The following OR51I2 variants were observed in gnomAD, a reference collection of about 807,000 sequenced individuals.
The protein encoded by OR51I2 is olfactory receptor 51I2.
Under a neutral mutation model 9.3 loss-of-function variants are expected in OR51I2, and 6 were observed. The ratio of observed to expected loss-of-function variants is 0.64; its 90% CI spans 0.35 to 1.27. The LOEUF (loss-of-function observed/expected upper bound fraction) is 1.27. Ranked by LOEUF, OR51I2 falls within the 50% of genes most tolerant of loss-of-function variation. The probability of loss-of-function intolerance (pLI) is 0.03; values close to 1 mark genes in which losing one functional copy is unlikely to be tolerated. For missense variants in OR51I2, 489 were observed against 396.4 expected, an observed-to-expected ratio of 1.23 and a Z score of -1.98; for synonymous variants, 179 against 143.1, an observed-to-expected ratio of 1.25 and a Z score of -1.79.
At chr11:5,450,076 T>C (rs1210063424) in intron 1 of OR51I2, among the ~76,000 whole-genome samples, 1 of 152,050 alleles carries the variant, frequency 6.6e-6, no homozygotes, top group Non-Finnish European at 1.5e-5. Context: ...CCATAAAGGA[T>C]CTCAGAGAAT....
chr11:5,450,258 AG>A (rs1223065961), intron 1 of OR51I2, among the ~76,000 whole-genome samples: 1 of 152,036 alleles, frequency 6.6e-6, no homozygotes, highest in African/African-American at 2.4e-5. Context: ...GCGTGGTGGC[AG>A]GCGCCTGTAA....
Position 5,456,446 on chromosome 11 carries a change from T to G in OR51I2, c.*2019T>G, listed in dbSNP as rs1850960053. 1 of 152,226 alleles carries G rather than the reference T, an allele frequency of 6.6e-6. No individual in the cohort carries two copies. The highest frequency in any genetic ancestry group is 1.5e-5 in the Non-Finnish European group (1 of 68,038). 9.4% of individuals were successfully genotyped at this position (152,226 alleles called of 1,614,324 possible). A position where few individuals can be genotyped will look rare whatever the true frequency, so the allele number is the denominator to read the frequency against. Reference sequence around the variant, plus strand: ...AAAAAGGTCTAAGCTAAGCCCTGTTTTTGTTTTTTTGACCTTGGGTTAAAA... The same window carrying G: ...AAAAAGGTCTAAGCTAAGCCCTGTTGTTGTTTTTTTGACCTTGGGTTAAAA... On this transcript the variant is annotated 3_prime_UTR_variant, in exon 2 of 2. Coordinates refer to ENST00000641930, the MANE Select transcript of OR51I2 (RefSeq NM_001004754.3).
rs1850951485 is a variant in OR51I2, at chr11:5,455,865, T to C, written c.*1438T>C. ...CAATAAGACACCAATAATATATGTG[T>C]CCTGGCCCACTAAATAGATTGCTTT... On this transcript the variant is annotated 3_prime_UTR_variant, in exon 2 of 2. Coordinates refer to ENST00000641930, the MANE Select transcript of OR51I2 (RefSeq NM_001004754.3). The C allele has an allele frequency of 6.6e-6, 1 of 152,180 alleles. No homozygotes were observed. The highest frequency in any genetic ancestry group is 1.5e-5 in the Non-Finnish European group (1 of 68,032). 9.4% of individuals were successfully genotyped at this position (152,180 alleles called of 1,614,324 possible).
Position 5,453,492 on chromosome 11 carries a change from G to C in OR51I2, c.4G>C (p.Gly2Arg), listed in dbSNP as rs1318510903. The change falls in exon 2 of 2, where the codon GGG becomes CGG. Residue 2 changes from glycine (G) to arginine (R), a missense_variant. Physicochemically the swap from Gly to Arg is moderately radical, Grantham distance 125. Transcript: ENST00000641930. ...AGTACCCTAAGTTTGTTTTGCTATG[G>C]GGTTGTTCAATGTCACTCACCCTGC... M[G>R]LFNVTHPAFF... The C allele has an allele frequency of 2.6e-6, 4 of 1,541,054 alleles. No individual in the cohort carries two copies. Among genetic ancestry groups the C allele is most frequent in the East Asian group, 4.5e-5 (2 of 44,268 alleles).
chr11:5,454,274 C>T lies in OR51I2; in HGVS notation c.786C>T (p.His262=), dbSNP rs776520075. ...YVPMIGVSTV[H]RFGKHVPCYI... is the part of the protein sequence containing the mutation. The stretch of plus-strand genomic sequence containing the variant: ...CAATGATTGGGGTCTCCACAGTGCA[C>T]CGCTTTGGGAAGCATGTCCCATGCT... Residue 262 remains histidine, a synonymous_variant, in exon 2 of 2, where the codon CAC becomes CAT. Transcript: ENST00000641930. 2 of 1,614,190 alleles carry T rather than the reference C, an allele frequency of 1.2e-6. No homozygotes were observed. Among genetic ancestry groups the T allele is most frequent in the Non-Finnish European group, 1.7e-6 (2 of 1,180,038 alleles).
In OR51I2 at chr11:5,454,538, G is replaced by T. The variant is rs1263231831; in HGVS notation, c.*111G>T. 1.1e-6 allele frequency: 1 copy of T among 899,122 alleles called. No homozygotes were observed. Among genetic ancestry groups the T allele is most frequent in the South Asian group, 1.7e-5 (1 of 59,334 alleles). The allele number at this position is 899,122 out of a possible 1,614,324, so 55.7% of individuals were successfully genotyped here. On this transcript the variant is annotated 3_prime_UTR_variant, in exon 2 of 2. Coordinates refer to ENST00000641930, the MANE Select transcript of OR51I2 (RefSeq NM_001004754.3). Reference sequence around the variant, plus strand: ...AGATTGTGTGCTGCGGGAAAAGTAGGCCAGGAGATGGTGATGCAAAACTTA... The same window carrying T: ...AGATTGTGTGCTGCGGGAAAAGTAGTCCAGGAGATGGTGATGCAAAACTTA...
chr11:5,455,799 G>C lies in OR51I2; in HGVS notation c.*1372G>C, dbSNP rs1488945837. The C allele has an allele frequency of 1.3e-5, 2 of 152,068 alleles. No individual in the cohort carries two copies. Among genetic ancestry groups the C allele is most frequent in the Non-Finnish European group, 2.9e-5 (2 of 68,000 alleles). The allele number at this position is 152,068 out of a possible 1,614,324, so 9.4% of individuals were successfully genotyped here. ...CTATTTTAAAAATGAGATAATGTAA[G>C]TACTTGGGATTCAGATTTTTTTCAA... On this transcript the variant is annotated 3_prime_UTR_variant, in exon 2 of 2. Coordinates refer to ENST00000641930, the MANE Select transcript of OR51I2 (RefSeq NM_001004754.3).
intron 1 of OR51I2, among the ~76,000 whole-genome samples, chr11:5,449,740 G>A (rs930210637): frequency 4.6e-5 from 7 of 152,136 alleles, no homozygotes; most frequent in African/African-American, 1.4e-4. Flanking sequence ...AAGGGAAGTG[G>A]TCACAACCTA....
Position 5,454,465 on chromosome 11 carries a change from T to G in OR51I2, c.*38T>G. 6.7e-7 allele frequency: 1 copy of G among 1,494,408 alleles called. No individual in the cohort carries two copies. Among genetic ancestry groups the G allele is most frequent in the Non-Finnish European group, 9.1e-7 (1 of 1,095,314 alleles). 92.6% of individuals were successfully genotyped at this position (1,494,408 alleles called of 1,614,324 possible). On this transcript the variant is annotated 3_prime_UTR_variant, in exon 2 of 2. Coordinates refer to ENST00000641930, the MANE Select transcript of OR51I2 (RefSeq NM_001004754.3). Reference sequence around the variant, plus strand: ...GCTTTAGAATCTGTTATTTTGGCCATAGGCTCTCATCAGTAGCATCGTCAT... The same window carrying G: ...GCTTTAGAATCTGTTATTTTGGCCAGAGGCTCTCATCAGTAGCATCGTCAT...
chr11:5,452,643 G>A (rs952730652), intron 1 of OR51I2, among the ~76,000 whole-genome samples: 9 of 149,618 alleles, frequency 6.0e-5, no homozygotes, highest in African/African-American at 2.0e-4. Context: ...CTTAGACTAT[G>A]AATGAGCTTT....
Position 5,453,297 on chromosome 11 carries a change from A to C in OR51I2, c.-192A>C. The C allele has an allele frequency of 2.3e-6, 1 of 430,560 alleles. No homozygotes were observed. The highest frequency in any genetic ancestry group is 4.1e-6 in the Non-Finnish European group (1 of 245,078). The allele number at this position is 430,560 out of a possible 1,614,324, so 26.7% of individuals were successfully genotyped here. A position where few individuals can be genotyped will look rare whatever the true frequency, so the allele number is the denominator to read the frequency against. On this transcript the variant is annotated 5_prime_UTR_variant, in exon 2 of 2. Transcript: ENST00000641930. ...CTCAGCCTGCAGGCTGATCATCATA[A>C]AATATGAAGAAAAGGAGTTTGCCTG...
chr11:5,453,046 T>C (rs1156328664), intron 1 of OR51I2, among the ~76,000 whole-genome samples: 2 of 152,186 alleles, frequency 1.3e-5, no homozygotes, highest in Non-Finnish European at 2.9e-5. Flanking sequence ...TTAAGCAACA[T>C]TTTCAAGAAA....
Position 5,456,352 on chromosome 11 carries a change from T to C in OR51I2, c.*1925T>C, listed in dbSNP as rs910728279. ...GGTTCTAATGGAAAATGCACATTTA[T>C]ATTTTTCCCTCCCTCATGAGACAGA... On this transcript the variant is annotated 3_prime_UTR_variant, in exon 2 of 2. Coordinates refer to ENST00000641930, the MANE Select transcript of OR51I2 (RefSeq NM_001004754.3). 1 of 152,204 alleles carries C rather than the reference T, an allele frequency of 6.6e-6. No homozygotes were observed. Among genetic ancestry groups the C allele is most frequent in the African/African-American group, 2.4e-5 (1 of 41,452 alleles). The allele number at this position is 152,204 out of a possible 1,614,324, so 9.4% of individuals were successfully genotyped here. A position where few individuals can be genotyped will look rare whatever the true frequency, so the allele number is the denominator to read the frequency against.
intron 1 of OR51I2, among the ~76,000 whole-genome samples, chr11:5,450,405 T>G (rs147486177): frequency 3.4e-5 from 5 of 145,018 alleles, no homozygotes; most frequent in African/African-American, 7.4e-5. Flanking sequence ...ATAAATGAAT[T>G]AATTAATTAA....
rs541179126 is a variant in OR51I2 at position 5,454,608 on chromosome 11, T to C, written c.*181T>C. The C allele has an allele frequency of 4.9e-5, 25 of 505,646 alleles. No homozygotes were observed. Among genetic ancestry groups the C allele is most frequent in the African/African-American group, 4.8e-4 (25 of 51,878 alleles). The allele number at this position is 505,646 out of a possible 1,614,324, so 31.3% of individuals were successfully genotyped here. A position where few individuals can be genotyped will look rare whatever the true frequency, so the allele number is the denominator to read the frequency against. ...CCAAATGAATAGTACATTCACTAAA[T>C]ACCAACAGTATTCTTAGAAAGATAA... On this transcript the variant is annotated 3_prime_UTR_variant, in exon 2 of 2. Coordinates refer to ENST00000641930, the MANE Select transcript of OR51I2 (RefSeq NM_001004754.3).
Position 5,455,363 on chromosome 11 carries a change from A to G in OR51I2, c.*936A>G, listed in dbSNP as rs1368227872. The G allele has an allele frequency of 6.6e-6, 1 of 151,798 alleles. No individual in the cohort carries two copies. Among genetic ancestry groups the G allele is most frequent in the Non-Finnish European group, 1.5e-5 (1 of 67,932 alleles). The allele number at this position is 151,798 out of a possible 1,614,324, so 9.4% of individuals were successfully genotyped here. Reference sequence around the variant, plus strand: ...CTAGGATTTCCAGTTGCAAAAAAAAAAAGCCTAGGATAGACAGACTAGAGC... The same window carrying G: ...CTAGGATTTCCAGTTGCAAAAAAAAGAAGCCTAGGATAGACAGACTAGAGC... On this transcript the variant is annotated 3_prime_UTR_variant, in exon 2 of 2. Coordinates refer to ENST00000641930, the MANE Select transcript of OR51I2 (RefSeq NM_001004754.3).
intron 1 of OR51I2, among the ~76,000 whole-genome samples, chr11:5,450,933 TA>T (rs547963675): frequency 8.9e-5 from 13 of 146,586 alleles, no homozygotes; most frequent in Admixed American, 2.0e-4. Flanking sequence ...GAACTTAAAG[TA>T]AAAAAAAAAG....
chr11:5,451,290 G>C (rs1156234626), intron 1 of OR51I2, among the ~76,000 whole-genome samples: 4 of 152,206 alleles, frequency 2.6e-5, no homozygotes, highest in African/African-American at 7.2e-5. Flanking sequence ...CTTTGGCCTT[G>C]CCCTGAACAA....
chr11:5,449,397 C>G (rs1196121642), intron 1 of OR51I2, 33 bp downstream of exon 1: 4 of 152,254 alleles, frequency 2.6e-5, no homozygotes, highest in Non-Finnish European at 5.9e-5. Context: ...AATAAGCCAG[C>G]TGATTCTCCT....
Sources: allele counts gnomAD v4.1 joint callset (sites outside exome capture counted in the v4.1 genomes callset), GRCh38; gene constraint gnomAD v4.1.1; transcripts MANE v1.5; gene names NCBI Gene and HGNC (gene_info 2026-07-23, HGNC 2026-07-21).